The following CNTNAP4 variants were observed in gnomAD, a reference collection of about 807,000 sequenced individuals.
CNTNAP4 encodes contactin-associated protein-like 4.
In CNTNAP4, 98 loss-of-function variants were observed where a neutral mutation model predicts 148.4. The ratio of observed to expected loss-of-function variants is 0.66; its 90% confidence interval spans 0.56 to 0.78. CNTNAP4 has a LOEUF of 0.78. Among genes scored for constraint, CNTNAP4 ranks in the 30% least tolerant of loss-of-function variants. The probability of loss-of-function intolerance (pLI) is 0.00; values close to 1 mark genes in which losing one functional copy is unlikely to be tolerated. For missense variants in CNTNAP4, 1,935 were observed against 1,565.6 expected (o/e 1.24, Z -3.98); for synonymous variants, 730 against 565.1 (o/e 1.29, Z -4.14).
chr16:76,427,499 C>G lies in CNTNAP4; in HGVS notation c.438C>G (p.Leu146=). Reference sequence around the variant, plus strand: ...CAGACAGTGTTGTGTACTATAGACTCCAGCCTTCTATCAAAGCCAGATTTC... The same window carrying G: ...CAGACAGTGTTGTGTACTATAGACTGCAGCCTTCTATCAAAGCCAGATTTC... ...ANADSVVYYR[L]QPSIKARFLR... Residue 146 remains leucine, a synonymous_variant, in exon 4 of 24, where the codon CTC becomes CTG. Transcript: ENST00000611870. 6.2e-7 allele frequency: 1 copy of G among 1,613,282 alleles called. No individual in the cohort carries two copies. Among genetic ancestry groups the G allele is most frequent in the South Asian group, 1.1e-5 (1 of 90,974 alleles).
At chr16:76,541,731 A>C (rs1033600220) in intron 21 of CNTNAP4, among the ~76,000 whole-genome samples, 12 of 152,222 alleles carry the variant, frequency 7.9e-5, no homozygotes, top group African/African-American at 2.9e-4. Context: ...TGAGGTTAAT[A>C]GTTCAGCAAA....
chr16:76,481,307 A>T (rs2081818384), intron 12 of CNTNAP4, among the ~76,000 whole-genome samples: 2 of 152,248 alleles, frequency 1.3e-5, no homozygotes, highest in African/African-American at 4.8e-5. Context: ...TTGAATTCTA[A>T]TTTAATTAAA....
At chr16:76,323,876 A>G (rs1031427544) in intron 2 of CNTNAP4, among the ~76,000 whole-genome samples, 37 of 152,162 alleles carry the variant, frequency 2.4e-4, no homozygotes, top group Non-Finnish European at 3.4e-4. Flanking sequence ...GGGAAACTAG[A>G]TTATAATACT....
chr16:76,449,107 G>A (rs9937035), intron 6 of CNTNAP4, among the ~76,000 whole-genome samples, 156 bp downstream of exon 6: 4,922 of 152,138 alleles, frequency 0.032, 171 homozygotes, highest in African/African-American at 0.097. Flanking sequence ...GGCAGCTTTC[G>A]GTGTATAGTA....
intron 3 of CNTNAP4, among the ~76,000 whole-genome samples, chr16:76,418,582 C>T (rs1192074935): frequency 1.3e-5 from 2 of 151,578 alleles, no homozygotes; most frequent in African/African-American, 4.8e-5. Flanking sequence ...GATTACATTA[C>T]CCATCTGTTT....
At chr16:76,502,849 A>G (rs1475611527) in intron 15 of CNTNAP4, among the ~76,000 whole-genome samples, 3 of 151,892 alleles carry the variant, frequency 2.0e-5, no homozygotes, top group Non-Finnish European at 2.9e-5. Context: ...TAGTATTTTC[A>G]TTTTCTCACA....
chr16:76,373,157 A>C (rs2015031637), intron 3 of CNTNAP4, among the ~76,000 whole-genome samples: 1 of 151,658 alleles, frequency 6.6e-6, no homozygotes, highest in Non-Finnish European at 1.5e-5. Flanking sequence ...AAATAGGTGA[A>C]TATATTCCAC....
intron 1 of CNTNAP4, among the ~76,000 whole-genome samples, chr16:76,301,989 G>T (rs1960017480): frequency 6.6e-6 from 1 of 152,034 alleles, no homozygotes; most frequent in African/African-American, 2.4e-5. Flanking sequence ...TCGGGCACTT[G>T]CACAGGCCCA....
At chr16:76,556,986 C>G (rs1287810283) in intron 23 of CNTNAP4, among the ~76,000 whole-genome samples, 2 of 152,148 alleles carry the variant, frequency 1.3e-5, no homozygotes, top group Non-Finnish European at 1.5e-5. Flanking sequence ...CTTCCTCGCA[C>G]TCCGTTACAG....
At chr16:76,359,271 G>C (rs570703018) in intron 3 of CNTNAP4, among the ~76,000 whole-genome samples, 1 of 152,224 alleles carries the variant, frequency 6.6e-6, no homozygotes, top group Admixed American at 6.5e-5. Flanking sequence ...TTCACAATCT[G>C]CTCCACATGA....
At chr16:76,454,899 T>C (rs2080663461) in intron 8 of CNTNAP4, among the ~76,000 whole-genome samples, 1 of 152,230 alleles carries the variant, frequency 6.6e-6, no homozygotes. Flanking sequence ...ACAAATCTTA[T>C]ATGTTTGAAA....
At position 76,506,406 on chromosome 16, in the gene CNTNAP4, CCCTTCCTCCCTT is replaced by C. The variant is rs1263714949; in HGVS notation, c.2365+7727_2365+7738del. ...TCATTTCCTTCTTTCCTTCTTTCCT[CCCTTCCTCCCTT>C]CCTTCCTCCCTTCCCTTCCCTTCCC... On this transcript the variant is annotated intron_variant, in intron 15 of 23. Coordinates refer to ENST00000611870, the MANE Select transcript of CNTNAP4 (RefSeq NM_033401.5). Among the ~76,000 whole-genome samples, 41 of 41,036 alleles carry C rather than the reference CCCTTCCTCCCTT, an allele frequency of 1.0e-3. 2 individuals carry two copies. The highest frequency in any genetic ancestry group is 1.6e-3 in the African/African-American group (39 of 24,224). The allele number at this position is 41,036 out of a possible 152,430, so 26.9% of individuals were successfully genotyped here. A position where few individuals can be genotyped will look rare whatever the true frequency, so the allele number is the denominator to read the frequency against.
chr16:76,535,616 G>A lies in CNTNAP4; in HGVS notation c.2827G>A (p.Asp943Asn), dbSNP rs759387292. 1.2e-6 allele frequency: 2 copies of A among 1,613,722 alleles called. No homozygotes were observed. Among genetic ancestry groups the A allele is most frequent in the African/African-American group, 1.3e-5 (1 of 75,038 alleles). ...RSLQLNGMTL[D>N]LEERAQVTPE... ...TCTGCAGTTGAATGGGATGACCCTG[G>A]ATTTGGAAGAAAGAGCCCAGGTGAC... The change falls in exon 18 of 24, where the codon GAT becomes AAT. Residue 943 changes from aspartate (D) to asparagine (N), a missense_variant. Physicochemically the swap from Asp to Asn is conservative, Grantham distance 23. Transcript: ENST00000611870.
At chr16:76,448,399 C>CTTCA (rs10624210) in intron 5 of CNTNAP4, among the ~76,000 whole-genome samples, 184 bp downstream of exon 5, 150,326 of 152,206 alleles carry the variant, frequency 0.99, 74,259 homozygotes, top group East Asian at 1. Flanking sequence ...TGCACAAAAT[C>CTTCA]TTCAGTGTTT....
chr16:76,463,510 T>G (rs2081060529), intron 9 of CNTNAP4, among the ~76,000 whole-genome samples: 1 of 152,210 alleles, frequency 6.6e-6, no homozygotes, highest in Non-Finnish European at 1.5e-5. Context: ...GTAATTTTGC[T>G]TGTTTTTATT....
chr16:76,451,367 T>A lies in CNTNAP4; in HGVS notation c.1072-1141T>A, dbSNP rs532328711. Reference sequence around the variant, plus strand: ...TTGATAATAAAATACAGGCACATATTGATTTGAATAAATTTCTTTCATTGC... The same window carrying A: ...TTGATAATAAAATACAGGCACATATAGATTTGAATAAATTTCTTTCATTGC... On this transcript the variant is annotated intron_variant, in intron 7 of 23. Transcript: ENST00000611870. 4.6e-5 allele frequency among the ~76,000 whole-genome samples: 7 copies of A among 152,302 alleles called. No individual in the cohort carries two copies. The South Asian group carries it at 1.5e-3, about 32-fold the overall frequency.
intron 3 of CNTNAP4, among the ~76,000 whole-genome samples, chr16:76,372,140 T>TA (rs1241231804): frequency 6.8e-6 from 1 of 146,128 alleles, no homozygotes; most frequent in Non-Finnish European, 1.5e-5. Flanking sequence ...CAGCCCAAAT[T>TA]TTTTTTTTTT....
intron 3 of CNTNAP4, among the ~76,000 whole-genome samples, chr16:76,403,526 T>G (rs547249655): frequency 2.0e-5 from 3 of 152,298 alleles, no homozygotes; most frequent in Non-Finnish European, 4.4e-5. Context: ...GAATGGCTAT[T>G]ATTAAAAAGT....
chr16:76,288,246 G>A (rs983121655), intron 1 of CNTNAP4, among the ~76,000 whole-genome samples: 6 of 152,016 alleles, frequency 3.9e-5, no homozygotes, highest in South Asian at 2.1e-4. Context: ...GCCTTCTGCC[G>A]TGATTTTAAG....
Sources: allele counts gnomAD v4.1 joint callset (sites outside exome capture counted in the v4.1 genomes callset), GRCh38; gene constraint gnomAD v4.1.1; transcripts MANE v1.5; gene names NCBI Gene and HGNC (gene_info 2026-07-23, HGNC 2026-07-21).